Variants in CALN1 observed in about 807,000 individuals in gnomAD.
The protein encoded by CALN1 is calcium-binding protein 8.
CALN1 carries 17 observed loss-of-function variants against 30.6 expected under a neutral mutation model. The observed-to-expected ratio is 0.56, with a 90% CI of 0.38 to 0.83. The LOEUF is 0.83. Among genes scored for constraint, CALN1 ranks in the 40% least tolerant of loss-of-function variants. CALN1 has a pLI of 0.00. For missense variants in CALN1, 291 were observed against 354.9 expected, an observed-to-expected ratio of 0.82 and a Z score of 1.45; for synonymous variants, 156 against 131.4, an observed-to-expected ratio of 1.19 and a Z score of -1.28.
chr7:71,827,122 A>T (rs1350265114), intron 5 of CALN1, among the ~76,000 whole-genome samples: 1 of 152,192 alleles, frequency 6.6e-6, no homozygotes, highest in African/African-American at 2.4e-5. Context: ...GTATTCCCCT[A>T]CATCATGGGT....
intron 2 of CALN1, among the ~76,000 whole-genome samples, chr7:72,378,164 A>C (rs972622655): frequency 4.6e-5 from 7 of 152,170 alleles, no homozygotes; most frequent in Non-Finnish European, 7.3e-5. Context: ...AGATGAGAAA[A>C]AGTCAAGCCT....
chr7:72,327,672 T>C (rs1801375079), intron 2 of CALN1, among the ~76,000 whole-genome samples: 1 of 152,224 alleles, frequency 6.6e-6, no homozygotes, highest in African/African-American at 2.4e-5. Context: ...GTAATCGTGA[T>C]ACAAACTTTT....
chr7:72,096,042 A>AAGATAGATAGATAGATAGAT (rs10664390), intron 4 of CALN1, among the ~76,000 whole-genome samples: 9 of 143,192 alleles, frequency 6.3e-5, no homozygotes, highest in Non-Finnish European at 9.1e-5. Context: ...TTGTCTCTAA[A>AAGATAGATAGATAGATAGAT]AGATAGATAG....
intron 5 of CALN1, among the ~76,000 whole-genome samples, chr7:71,921,043 A>G (rs905942296): frequency 2.6e-5 from 4 of 152,218 alleles, no homozygotes; most frequent in Non-Finnish European, 5.9e-5. Flanking sequence ...GGATGCGTTC[A>G]TGTCCTTTGC....
At chr7:71,867,266 T>C (rs1255026235) in intron 5 of CALN1, among the ~76,000 whole-genome samples, 2 of 151,400 alleles carry the variant, frequency 1.3e-5, no homozygotes, top group East Asian at 3.9e-4. Context: ...TGTCAGGAAA[T>C]ATGAGGGAAA....
intron 3 of CALN1, among the ~76,000 whole-genome samples, chr7:72,141,748 T>C (rs1291849367): frequency 6.6e-6 from 1 of 152,090 alleles, no homozygotes; most frequent in African/African-American, 2.4e-5. Context: ...TTTGTATTTT[T>C]AGTAGAGACA....
chr7:71,973,686 C>T (rs944478698), intron 5 of CALN1, among the ~76,000 whole-genome samples: 1 of 151,802 alleles, frequency 6.6e-6, no homozygotes, highest in Non-Finnish European at 1.5e-5. Flanking sequence ...AGATTTGGCA[C>T]ATTTAAGATG....
intron 2 of CALN1, among the ~76,000 whole-genome samples, chr7:72,339,536 T>A (rs1235309418): frequency 1.3e-5 from 2 of 152,224 alleles, no homozygotes; most frequent in Non-Finnish European, 2.9e-5. Flanking sequence ...AAGGTAATTT[T>A]AGCTTAAAAC....
chr7:72,090,657 C>T (rs748051202), intron 4 of CALN1, among the ~76,000 whole-genome samples: 8 of 152,270 alleles, frequency 5.3e-5, no homozygotes, highest in East Asian at 3.9e-4. Flanking sequence ...TTCACAATAG[C>T]TAAGATATGA....
At chr7:72,458,102 T>G in the CALN1 span, among the ~76,000 whole-genome samples, 36 of 124,790 alleles carry the variant, frequency 2.9e-4, no homozygotes, top group Non-Finnish European at 3.9e-4. Context: ...TCACAACAAA[T>G]TCTGGTTAAA....
the CALN1 span, among the ~76,000 whole-genome samples, chr7:72,471,833 C>T: frequency 2.0e-5 from 3 of 152,166 alleles, no homozygotes; most frequent in Non-Finnish European, 2.9e-5. Context: ...CAGAGTCTTG[C>T]TCTGTGGCCC....
At chr7:71,822,528 G>T (rs952054690) in intron 5 of CALN1, among the ~76,000 whole-genome samples, 2 of 152,220 alleles carry the variant, frequency 1.3e-5, no homozygotes, top group African/African-American at 4.8e-5. Context: ...GATTGCAGGC[G>T]TGAGTCACCG....
intron 5 of CALN1, among the ~76,000 whole-genome samples, chr7:71,908,474 A>G (rs972740981): frequency 1.3e-5 from 2 of 152,240 alleles, no homozygotes; most frequent in Non-Finnish European, 2.9e-5. Context: ...CTGGAGAAAG[A>G]TCAAACCTAA....
At chr7:72,415,177 C>T (rs1411452820), upstream of CALN1, among the ~76,000 whole-genome samples, 12 of 152,242 alleles carry the variant, frequency 7.9e-5, no homozygotes, top group Admixed American at 2.0e-4. Context: ...GCTCCCCACC[C>T]GCTAGTCTAT....
intron 3 of CALN1, among the ~76,000 whole-genome samples, chr7:72,171,992 T>C (rs544673027): frequency 2.6e-5 from 4 of 152,128 alleles, no homozygotes; most frequent in East Asian, 1.9e-4. Context: ...ATAATGAGAA[T>C]TGATGAAAGC....
intron 5 of CALN1, among the ~76,000 whole-genome samples, chr7:71,904,458 C>A (rs919185450): frequency 6.6e-6 from 1 of 152,088 alleles, no homozygotes; most frequent in Non-Finnish European, 1.5e-5. Flanking sequence ...AGACAAATAC[C>A]AAATAATCTC....
chr7:72,429,263 G>C (rs1807897384), intron 1 of CALN1, among the ~76,000 whole-genome samples: 1 of 152,108 alleles, frequency 6.6e-6, no homozygotes, highest in Admixed American at 6.6e-5. Context: ...TATTACCTAA[G>C]TTTTCATTAT....
chr7:72,330,533 T>A (rs541991766), intron 2 of CALN1, among the ~76,000 whole-genome samples: 1 of 151,458 alleles, frequency 6.6e-6, no homozygotes, highest in East Asian at 1.9e-4. Context: ...AGTGCTTGCA[T>A]CTGTCTCAAT....
chr7:72,077,177 C>G (rs1018193855), intron 4 of CALN1, among the ~76,000 whole-genome samples: 5 of 152,098 alleles, frequency 3.3e-5, no homozygotes, highest in African/African-American at 1.2e-4. Context: ...TACGTATTTG[C>G]AAATATTATG....
Sources: gnomAD v4.1 joint callset for allele counts (sites outside exome capture counted in the v4.1 genomes callset) on GRCh38, gnomAD v4.1.1 for gene constraint, MANE v1.5 for transcripts, NCBI Gene and HGNC (gene_info 2026-07-23, HGNC 2026-07-21) for gene names.